Variants in TLN2 observed in about 807,000 individuals in gnomAD.
TLN2 encodes the protein talin 2, also known as talin-2.
A neutral mutation model predicts 294.7 loss-of-function variants in TLN2; 118 were observed. The observed-to-expected ratio is 0.40, with a 90% CI of 0.34 to 0.47. The LOEUF is 0.47. Ranked by LOEUF, TLN2 falls within the 20% of genes least tolerant of loss-of-function variation. TLN2 has a pLI of 0.84. For missense variants in TLN2, 3,083 were observed against 3,282.2 expected, an observed-to-expected ratio of 0.94 and a Z score of 1.48; for synonymous variants, 1,431 against 1,304.5, an observed-to-expected ratio of 1.10 and a Z score of -2.09.
At chr15:62,421,072 C>T (rs1202960216) in intron 1 of TLN2, among the ~76,000 whole-genome samples, 1 of 152,164 alleles carries the variant, frequency 6.6e-6, no homozygotes, top group African/African-American at 2.4e-5. Context: ...TGGAAAACTT[C>T]ATAATTTTGA....
At chr15:62,567,872 T>C (rs2140629200) in intron 1 of TLN2, among the ~76,000 whole-genome samples, 1 of 152,142 alleles carries the variant, frequency 6.6e-6, no homozygotes, top group Admixed American at 6.5e-5. Context: ...CTTGCTTGAA[T>C]GTGAAATGTG....
chr15:62,712,145 C>T, intron 22 of TLN2, 68 bp downstream of exon 22: 1 of 1,561,608 alleles, frequency 6.4e-7, no homozygotes, highest in South Asian at 1.2e-5. Flanking sequence ...AAGGTACTTT[C>T]CAGATGGGGC....
intron 1 of TLN2, among the ~76,000 whole-genome samples, chr15:62,509,579 A>G (rs1239123688): frequency 3.3e-5 from 5 of 152,138 alleles, no homozygotes; most frequent in Non-Finnish European, 7.3e-5. Flanking sequence ...CCTCTCTCCT[A>G]TCTTCGGCAT....
At chr15:62,518,911 T>C (rs2040321218) in intron 1 of TLN2, among the ~76,000 whole-genome samples, 1 of 152,180 alleles carries the variant, frequency 6.6e-6, no homozygotes, top group East Asian at 1.9e-4. Context: ...AATGTCTTTT[T>C]TAGTGTGGAT....
chr15:62,731,955 A>T (rs959156735), intron 28 of TLN2, among the ~76,000 whole-genome samples: 23 of 152,348 alleles, frequency 1.5e-4, no homozygotes, highest in African/African-American at 5.5e-4. Context: ...TAGGAACACA[A>T]AGTTATAGTA....
chr15:62,805,828 G>T, intron 51 of TLN2, 43 bp downstream of exon 51: 1 of 1,586,010 alleles, frequency 6.3e-7, no homozygotes, highest in Non-Finnish European at 8.6e-7. Context: ...ATGATTCTCT[G>T]TCGTGACTGG....
intron 50 of TLN2, among the ~76,000 whole-genome samples, chr15:62,803,583 A>G (rs1281967769): frequency 6.6e-6 from 1 of 152,212 alleles, no homozygotes; most frequent in South Asian, 2.1e-4. Context: ...CAGTTCTGCC[A>G]TTAAAAGACG....
intron 40 of TLN2, among the ~76,000 whole-genome samples, chr15:62,764,382 A>G (rs2062863348): frequency 6.6e-6 from 1 of 152,110 alleles, no homozygotes; most frequent in South Asian, 2.1e-4. Flanking sequence ...TGGTCTGTTT[A>G]TTGATGTTTA....
chr15:62,530,949 T>A (rs918154968), intron 1 of TLN2, among the ~76,000 whole-genome samples: 2 of 152,238 alleles, frequency 1.3e-5, no homozygotes, highest in Non-Finnish European at 2.9e-5. Context: ...ATTATTCATT[T>A]GTTAGAGCTC....
chr15:62,531,210 T>C (rs1287714846), intron 1 of TLN2, among the ~76,000 whole-genome samples: 2 of 152,212 alleles, frequency 1.3e-5, no homozygotes, highest in African/African-American at 2.4e-5. Flanking sequence ...AAAGAAAATA[T>C]GGTGTATATT....
At chr15:62,577,138 T>G (rs1402114738) in intron 1 of TLN2, among the ~76,000 whole-genome samples, 1 of 152,228 alleles carries the variant, frequency 6.6e-6, no homozygotes, top group African/African-American at 2.4e-5. Context: ...TTTGTTATGC[T>G]TCTTATTGTT....
At chr15:62,590,112 G>C (rs895819854) in intron 2 of TLN2, among the ~76,000 whole-genome samples, 1 of 152,106 alleles carries the variant, frequency 6.6e-6, no homozygotes, top group Non-Finnish European at 1.5e-5. Context: ...TGACGTGAGG[G>C]GGTAAGTGCT....
intron 1 of TLN2, among the ~76,000 whole-genome samples, chr15:62,450,005 C>G (rs1263244191): frequency 2.6e-5 from 4 of 152,188 alleles, no homozygotes; most frequent in African/African-American, 9.7e-5. Context: ...GCCACTGTCA[C>G]TCTCTTCCTC....
At chr15:62,750,216 G>C (rs1216748975) in intron 33 of TLN2, among the ~76,000 whole-genome samples, 186 bp from the exon 34 acceptor site, 1 of 152,166 alleles carries the variant, frequency 6.6e-6, no homozygotes, top group Non-Finnish European at 1.5e-5. Flanking sequence ...CCTATAATGA[G>C]CATTGTGTTG....
intron 1 of TLN2, among the ~76,000 whole-genome samples, chr15:62,414,155 A>C (rs2033933998): frequency 1.4e-5 from 1 of 72,178 alleles, no homozygotes; most frequent in Non-Finnish European, 2.8e-5. Flanking sequence ...GTGTTAGCAA[A>C]AAAAAAAACT....
chr15:62,773,601 C>G (rs2063495203), intron 42 of TLN2, among the ~76,000 whole-genome samples: 2 of 152,166 alleles, frequency 1.3e-5, no homozygotes, highest in South Asian at 4.1e-4. Flanking sequence ...CACATATTTA[C>G]TAGGTTTTAT....
intron 1 of TLN2, among the ~76,000 whole-genome samples, chr15:62,428,985 G>C (rs1175042294): frequency 1.3e-5 from 2 of 152,080 alleles, no homozygotes; most frequent in Non-Finnish European, 2.9e-5. Flanking sequence ...GTGGGACCTG[G>C]GGCCCTATTG....
chr15:62,714,319 C>T (rs1367896044), intron 22 of TLN2, among the ~76,000 whole-genome samples: 1 of 150,868 alleles, frequency 6.6e-6, no homozygotes, highest in Admixed American at 6.6e-5. Flanking sequence ...TCTCCTGCCT[C>T]AGCCTCCTGA....
Position 62,652,001 on chromosome 15 carries a change from C to T in TLN2, c.235-4C>T, listed in dbSNP as rs749532366. On this transcript the variant is annotated splice_polypyrimidine_tract_variant and splice_region_variant and intron_variant, in intron 5 of 58. Transcript: ENST00000636159. ...GTGAAATTTGTATGTGGTTTGTGCT[C>T]TAGGATATTTTGGAATATAAAAAGA... 7 of 1,605,856 alleles carry T rather than the reference C, an allele frequency of 4.4e-6. No homozygotes were observed. The highest frequency in any genetic ancestry group is 1.3e-5 in the African/African-American group (1 of 74,816).
Sources: allele counts gnomAD v4.1 joint callset (sites outside exome capture counted in the v4.1 genomes callset), GRCh38; gene constraint gnomAD v4.1.1; transcripts MANE v1.5; gene names NCBI Gene and HGNC (gene_info 2026-07-23, HGNC 2026-07-21).